Variants in PHF21A observed in about 807,000 individuals in gnomAD.
PHF21A encodes BHC80a.
Under a neutral mutation model 82.5 loss-of-function variants are expected in PHF21A, and 11 were observed. The observed-to-expected ratio is 0.13, with a 90% CI of 0.08 to 0.22. The LOEUF (loss-of-function observed/expected upper bound fraction) is 0.22, where lower values mean the gene tolerates loss of function less well. PHF21A is among the 10% of genes least tolerant of loss of function. PHF21A has a pLI of 1.00. For synonymous variants in PHF21A, 297 were observed against 302.8 expected, an observed-to-expected ratio of 0.98 and a Z score of 0.20; for missense variants, 579 against 837.8, an observed-to-expected ratio of 0.69 and a Z score of 3.81.
intron 10 of PHF21A, among the ~76,000 whole-genome samples, chr11:45,955,301 CA>C (rs2092549001): frequency 6.6e-6 from 1 of 152,154 alleles, no homozygotes; most frequent in African/African-American, 2.4e-5. Flanking sequence ...CACACACACA[CA>C]CACACACTTT....
chr11:46,062,221 C>A (rs140552281), intron 6 of PHF21A, among the ~76,000 whole-genome samples: 2 of 151,736 alleles, frequency 1.3e-5, no homozygotes, highest in African/African-American at 4.8e-5. Flanking sequence ...TCAGTGGATT[C>A]TATTAATCTG....
intron 6 of PHF21A, among the ~76,000 whole-genome samples, chr11:45,981,252 G>A (rs978989597): frequency 1.7e-4 from 26 of 151,956 alleles, no homozygotes; most frequent in South Asian, 1.0e-3. Flanking sequence ...CAAGCATGGT[G>A]GCACACACCT....
At chr11:46,065,434 C>T (rs1262750842) in intron 6 of PHF21A, among the ~76,000 whole-genome samples, 2 of 152,224 alleles carry the variant, frequency 1.3e-5, no homozygotes, top group African/African-American at 4.8e-5. Flanking sequence ...TGCCGACATG[C>T]TGAGCATGGC....
intron 6 of PHF21A, among the ~76,000 whole-genome samples, chr11:46,024,032 T>C (rs1204322369): frequency 6.6e-6 from 1 of 152,170 alleles, no homozygotes; most frequent in African/African-American, 2.4e-5. Context: ...ACACTGATGT[T>C]CTAAGGAACA....
chr11:45,995,214 C>G lies in PHF21A; in HGVS notation c.154-15248G>C, dbSNP rs143429437. ...TGTTGTCTGATGGGATACAGTGGAACGAACCCACTCATCAGCAGGCTATCC... is the reference window on the plus strand; with the variant it reads ...TGTTGTCTGATGGGATACAGTGGAAGGAACCCACTCATCAGCAGGCTATCC... On this transcript the variant is annotated intron_variant, in intron 6 of 18. Coordinates refer to ENST00000676320, the MANE Select transcript of PHF21A (RefSeq NM_001352027.3). Among the ~76,000 whole-genome samples the G allele has an allele frequency of 4.3e-3, 653 of 152,228 alleles. 5 individuals are homozygous for G. Among genetic ancestry groups the G allele is most frequent in the African/African-American group, 0.015 (604 of 41,512 alleles).
At chr11:46,067,488 T>C (rs1277244218) in intron 6 of PHF21A, among the ~76,000 whole-genome samples, 1 of 152,124 alleles carries the variant, frequency 6.6e-6, no homozygotes, top group Non-Finnish European at 1.5e-5. Flanking sequence ...AAACTGTCCT[T>C]TTCTGAAACT....
At chr11:46,053,061 C>T (rs1374088660) in intron 6 of PHF21A, among the ~76,000 whole-genome samples, 1 of 152,108 alleles carries the variant, frequency 6.6e-6, no homozygotes. Flanking sequence ...GTGCCCCCTC[C>T]CAAAGCATTA....
chr11:45,935,518 C>A, intron 18 of PHF21A, 118 bp downstream of exon 18: 2 of 718,514 alleles, frequency 2.8e-6, no homozygotes, highest in Middle Eastern at 2.4e-4. Flanking sequence ...AAGTTAATCA[C>A]GTTAATAAAC....
chr11:46,025,201 C>A (rs1179907662), intron 6 of PHF21A, among the ~76,000 whole-genome samples: 5 of 147,460 alleles, frequency 3.4e-5, no homozygotes, highest in African/African-American at 5.1e-5. Context: ...AAAAAAAAAA[C>A]AACTTTTCTC....
At chr11:45,961,651 A>C (rs1591296193) in intron 10 of PHF21A, among the ~76,000 whole-genome samples, 1 of 151,916 alleles carries the variant, frequency 6.6e-6, no homozygotes, top group Non-Finnish European at 1.5e-5. Context: ...GTTACATAGA[A>C]GTCTTTGTTG....
At chr11:45,997,813 C>T (rs937770673) in intron 6 of PHF21A, among the ~76,000 whole-genome samples, 2 of 152,188 alleles carry the variant, frequency 1.3e-5, no homozygotes, top group African/African-American at 4.8e-5. Context: ...ATGCTGCAAA[C>T]TCATTCTGCA....
At chr11:46,120,716 C>T (rs901806835) in intron 1 of PHF21A, among the ~76,000 whole-genome samples, 5 of 151,762 alleles carry the variant, frequency 3.3e-5, no homozygotes, top group Non-Finnish European at 1.5e-5. Context: ...TTTCCCTCCT[C>T]CCTCCCACAC....
intron 6 of PHF21A, among the ~76,000 whole-genome samples, chr11:46,014,598 C>T (rs72904367): frequency 1.9e-4 from 29 of 152,306 alleles, no homozygotes; most frequent in Non-Finnish European, 4.0e-4. Flanking sequence ...ATGGCCGAGG[C>T]TGAACTAATT....
At chr11:46,044,977 C>G (rs542459213) in intron 6 of PHF21A, among the ~76,000 whole-genome samples, 1 of 152,210 alleles carries the variant, frequency 6.6e-6, no homozygotes, top group Non-Finnish European at 1.5e-5. Context: ...TCATTTAAGG[C>G]CTTCTAGTAC....
intron 4 of PHF21A, 122 bp from the exon 5 acceptor site, chr11:46,079,288 C>A: frequency 3.1e-6 from 2 of 644,268 alleles, no homozygotes; most frequent in South Asian, 2.3e-5. Flanking sequence ...ACACCACAAT[C>A]AGAACAGACT....
intron 6 of PHF21A, among the ~76,000 whole-genome samples, chr11:46,046,476 T>C (rs758138972): frequency 6.6e-6 from 1 of 152,128 alleles, no homozygotes; most frequent in Non-Finnish European, 1.5e-5. Context: ...CCAGAGCTCG[T>C]CATACAGGGC....
intron 2 of PHF21A, 97 bp from the exon 3 acceptor site, chr11:46,090,663 T>C (rs1309685355): frequency 7.7e-6 from 1 of 129,576 alleles, no homozygotes; most frequent in Non-Finnish European, 1.6e-5. Flanking sequence ...ACCTCAATAA[T>C]ACTTATTTTT....
rs866362782 is a variant in PHF21A, at chr11:45,963,434, A to G, written c.996+1881T>C. On this transcript the variant is annotated intron_variant, in intron 10 of 18. Coordinates refer to ENST00000676320, the MANE Select transcript of PHF21A (RefSeq NM_001352027.3). Reference sequence around the variant, plus strand: ...AAACTCTGTGTCAAAAAAAAAAAAAAAAAAGAAAAGAAAAAAAAATCTGTA... The same window carrying G: ...AAACTCTGTGTCAAAAAAAAAAAAAGAAAAGAAAAGAAAAAAAAATCTGTA... Among the ~76,000 whole-genome samples the G allele has an allele frequency of 4.1e-4, 62 of 151,576 alleles. 1 individual carries two copies. Among genetic ancestry groups the G allele is most frequent in the African/African-American group, 1.1e-3 (46 of 41,458 alleles).
At position 45,949,342 on chromosome 11, in the gene PHF21A, T is replaced by C; in HGVS notation, c.1227+60A>G. 2.1e-6 allele frequency: 3 copies of C among 1,402,158 alleles called. No individual in the cohort carries two copies. In the South Asian group the frequency reaches 3.5e-5, roughly 16 times the overall value. 86.9% of individuals were successfully genotyped at this position (1,402,158 alleles called of 1,614,324 possible). A position where few individuals can be genotyped will look rare whatever the true frequency, so the allele number is the denominator to read the frequency against. On this transcript the variant is annotated intron_variant, in intron 13 of 18. Coordinates refer to ENST00000676320, the MANE Select transcript of PHF21A (RefSeq NM_001352027.3). ...CAGCAGGTTTTCAGAGGGGAGGCAC[T>C]GAACAGCTCATAAATAAAACTGGAA... is the stretch of plus-strand genomic sequence containing the variant.
Sources: gnomAD v4.1 joint callset for allele counts (sites outside exome capture counted in the v4.1 genomes callset) on GRCh38, gnomAD v4.1.1 for gene constraint, MANE v1.5 for transcripts, NCBI Gene and HGNC (gene_info 2026-07-23, HGNC 2026-07-21) for gene names.